The following LARGE1 variants were observed in gnomAD, a reference collection of about 807,000 sequenced individuals.
LARGE1 encodes the protein xylosyl- and glucuronyltransferase LARGE1.
LARGE1 carries 43 observed loss-of-function variants against 87.6 expected under a neutral mutation model. The observed-to-expected ratio is 0.49, with a 90% CI of 0.38 to 0.63. LARGE1 has a LOEUF of 0.63. Among genes scored for constraint, LARGE1 ranks in the 30% least tolerant of loss-of-function variants. LARGE1 has a pLI of 0.00. For synonymous variants in LARGE1, 434 were observed against 394.6 expected, an observed-to-expected ratio of 1.10 and a Z score of -1.18; for missense variants, 802 against 1,000.2, an observed-to-expected ratio of 0.80 and a Z score of 2.67.
intron 1 of LARGE1, among the ~76,000 whole-genome samples, chr22:33,858,727 T>G (rs965914803): frequency 6.6e-6 from 1 of 152,176 alleles, no homozygotes; most frequent in African/African-American, 2.4e-5. Context: ...ATTATTCTAC[T>G]ATAAAGACAC....
intron 4 of LARGE1, among the ~76,000 whole-genome samples, chr22:33,611,675 A>C (rs867492569): frequency 2.6e-5 from 4 of 152,328 alleles, no homozygotes; most frequent in Middle Eastern, 3.4e-3. Flanking sequence ...AGTGAGAAAC[A>C]ATGATTGTAG....
At position 33,434,822 on chromosome 22, in the gene LARGE1, T is replaced by C. The variant is rs145063243; in HGVS notation, c.788-2557A>G. 1.9e-3 allele frequency among the ~76,000 whole-genome samples: 286 copies of C among 152,318 alleles called. 1 individual carries two copies. Among genetic ancestry groups the C allele is most frequent in the African/African-American group, 6.6e-3 (274 of 41,572 alleles). ...CTACCTTGCTCATATAGCTCTCCCT[T>C]GGCAGGCATTGCCCTTGCCCCCCCT... On this transcript the variant is annotated intron_variant, in intron 6 of 14. Transcript: ENST00000397394.
intron 2 of LARGE1, among the ~76,000 whole-genome samples, chr22:33,674,550 C>T (rs570677626): frequency 6.0e-4 from 92 of 152,262 alleles, no homozygotes; most frequent in Non-Finnish European, 6.8e-4. Context: ...CATGCTCAGC[C>T]GACAGTGACT....
At chr22:33,486,933 T>C (rs2069610616) in intron 6 of LARGE1, among the ~76,000 whole-genome samples, 1 of 152,236 alleles carries the variant, frequency 6.6e-6, no homozygotes, top group Admixed American at 6.5e-5. Context: ...ATCTGTTTAC[T>C]GGGTTATATA....
At chr22:33,735,225 A>C (rs1416865067) in intron 2 of LARGE1, among the ~76,000 whole-genome samples, 1 of 152,118 alleles carries the variant, frequency 6.6e-6, no homozygotes, top group Non-Finnish European at 1.5e-5. Context: ...CATGTATTTG[A>C]TATTTGCCTT....
chr22:33,689,933 A>G (rs1164175287), intron 2 of LARGE1, among the ~76,000 whole-genome samples: 6 of 152,170 alleles, frequency 3.9e-5, no homozygotes, highest in South Asian at 2.1e-4. Flanking sequence ...TCTCAAAAAA[A>G]AAAAGGAGGG....
At chr22:33,494,126 T>C (rs142850178) in intron 6 of LARGE1, among the ~76,000 whole-genome samples, 16 of 152,352 alleles carry the variant, frequency 1.1e-4, no homozygotes, top group African/African-American at 2.2e-4. Context: ...ATAGACAGCA[T>C]TGATGCTCAA....
chr22:33,187,187 C>T (rs1249758997), intron 11 of LARGE1, among the ~76,000 whole-genome samples: 1 of 152,194 alleles, frequency 6.6e-6, no homozygotes, highest in Non-Finnish European at 1.5e-5. Flanking sequence ...AGTATTTGGT[C>T]CTCCATGTTC....
At chr22:33,279,513 C>T (rs1930024342) in intron 13 of LARGE1, among the ~76,000 whole-genome samples, 2 of 152,320 alleles carry the variant, frequency 1.3e-5, no homozygotes, top group Admixed American at 1.3e-4. Flanking sequence ...CCTCAGGGAA[C>T]TGGCCAGTGC....
intron 2 of LARGE1, among the ~76,000 whole-genome samples, chr22:33,682,136 G>T (rs2081793231): frequency 6.6e-6 from 1 of 152,164 alleles, no homozygotes; most frequent in South Asian, 2.1e-4. Context: ...ACGTTAACGT[G>T]CTCATAACTT....
At chr22:33,508,281 G>A (rs1208157339) in intron 6 of LARGE1, among the ~76,000 whole-genome samples, 2 of 152,158 alleles carry the variant, frequency 1.3e-5, no homozygotes, top group Non-Finnish European at 2.9e-5. Flanking sequence ...AGGCACAGGG[G>A]CCACTGCAGG....
At chr22:33,801,123 C>A (rs564711972) in intron 1 of LARGE1, among the ~76,000 whole-genome samples, 1 of 152,180 alleles carries the variant, frequency 6.6e-6, no homozygotes, top group Non-Finnish European at 1.5e-5. Flanking sequence ...TTCCTCATTT[C>A]TCTCTTGCCG....
At chr22:33,074,183 C>A in the LARGE1 span, among the ~76,000 whole-genome samples, 1 of 152,138 alleles carries the variant, frequency 6.6e-6, no homozygotes. Flanking sequence ...CCTCCTCACT[C>A]TTCTTCTTTA....
chr22:33,714,861 T>C (rs907646904), intron 2 of LARGE1, among the ~76,000 whole-genome samples: 3 of 152,226 alleles, frequency 2.0e-5, no homozygotes, highest in African/African-American at 7.2e-5. Flanking sequence ...TCGTGTGTAA[T>C]GAACATAGGA....
chr22:33,584,690 A>G (rs1306452561), intron 5 of LARGE1, among the ~76,000 whole-genome samples: 2 of 149,214 alleles, frequency 1.3e-5, no homozygotes, highest in Non-Finnish European at 3.0e-5. Context: ...AAAAAAAATG[A>G]AAACTCAGCT....
intron 2 of LARGE1, among the ~76,000 whole-genome samples, chr22:33,684,566 G>T (rs542396400): frequency 1.3e-5 from 2 of 152,282 alleles, no homozygotes; most frequent in South Asian, 4.2e-4. Flanking sequence ...GACAGTTATT[G>T]GTTGCCTGTA....
intron 6 of LARGE1, among the ~76,000 whole-genome samples, chr22:33,486,644 G>A (rs1303692972): frequency 1.3e-5 from 2 of 152,190 alleles, no homozygotes; most frequent in East Asian, 3.9e-4. Flanking sequence ...AGGCAGGGGA[G>A]TTAATTTTCA....
At chr22:33,919,951 A>G (rs962849041) in intron 1 of LARGE1, 44 bp downstream of exon 1, 4 of 152,238 alleles carry the variant, frequency 2.6e-5, no homozygotes, top group Non-Finnish European at 5.9e-5. Flanking sequence ...GGCGCTACAC[A>G]CCACGGCGCC....
At chr22:33,417,764 G>A (rs2066552196) in intron 7 of LARGE1, among the ~76,000 whole-genome samples, 1 of 152,146 alleles carries the variant, frequency 6.6e-6, no homozygotes, top group South Asian at 2.1e-4. Context: ...ATGTAGGACG[G>A]AGGTCCCCAC....
Sources: allele counts gnomAD v4.1 joint callset (sites outside exome capture counted in the v4.1 genomes callset), GRCh38; gene constraint gnomAD v4.1.1; transcripts MANE v1.5; gene names NCBI Gene and HGNC (gene_info 2026-07-23, HGNC 2026-07-21).